Variants in MRPL30 observed in about 807,000 individuals in gnomAD.
The protein encoded by MRPL30 is mitochondrial ribosomal protein L30.
Under a neutral mutation model 17.2 loss-of-function variants are expected in MRPL30, and 10 were observed. The ratio of observed to expected loss-of-function variants is 0.58; its 90% CI spans 0.36 to 0.99. The LOEUF is 0.99. Among genes scored for constraint, MRPL30 ranks in the 50% least tolerant of loss-of-function variants. The pLI, the probability that MRPL30 is intolerant of heterozygous loss-of-function variation, is 0.01. For missense variants in MRPL30, 170 were observed against 189.8 expected (o/e 0.90, Z 0.61); for synonymous variants, 61 against 62.1 (o/e 0.98, Z 0.08).
chr2:99,194,132 T>C (rs1338810390), intron 3 of MRPL30, among the ~76,000 whole-genome samples: 1 of 152,162 alleles, frequency 6.6e-6, no homozygotes, highest in East Asian at 1.9e-4. Context: ...AATGTAGTTA[T>C]CATGGTGAGG....
chr2:99,195,854 G>C lies in MRPL30; in HGVS notation c.*149G>C. ...CCCAGCACTTTGGGAGGCCAAGGCGGGCAGATCACCTGAGGTCAAGAGTTC... is the reference window on the plus strand; with the variant it reads ...CCCAGCACTTTGGGAGGCCAAGGCGCGCAGATCACCTGAGGTCAAGAGTTC... On this transcript the variant is annotated 3_prime_UTR_variant, in exon 6 of 6. Transcript: ENST00000338148. 8.8e-7 allele frequency: 1 copy of C among 1,130,778 alleles called. No individual in the cohort carries two copies. The highest frequency in any genetic ancestry group is 1.2e-6 in the Non-Finnish European group (1 of 819,246). 70.0% of individuals were successfully genotyped at this position (1,130,778 alleles called of 1,614,324 possible). A position where few individuals can be genotyped will look rare whatever the true frequency, so the allele number is the denominator to read the frequency against.
At chr2:99,182,653 T>C (rs528282744) in intron 1 of MRPL30, among the ~76,000 whole-genome samples, 11 of 152,388 alleles carry the variant, frequency 7.2e-5, no homozygotes, top group South Asian at 2.1e-4. Flanking sequence ...TGCTTGAGGC[T>C]GAGTTCAATA....
intron 3 of MRPL30, among the ~76,000 whole-genome samples, chr2:99,193,775 A>C (rs2093950765): frequency 1.3e-5 from 2 of 152,178 alleles, no homozygotes; most frequent in Admixed American, 1.3e-4. Context: ...GTGGTGGTTC[A>C]CACCTGTAAT....
At chr2:99,182,724 G>A (rs1433892252) in intron 1 of MRPL30, among the ~76,000 whole-genome samples, 1 of 152,202 alleles carries the variant, frequency 6.6e-6, no homozygotes, top group African/African-American at 2.4e-5. Flanking sequence ...CACACCTTCA[G>A]AAGTCTGTAA....
chr2:99,184,679 G>C (rs1295089447), intron 1 of MRPL30, among the ~76,000 whole-genome samples: 1 of 152,226 alleles, frequency 6.6e-6, no homozygotes, highest in Non-Finnish European at 1.5e-5. Context: ...TAAGTGATCA[G>C]AAAGATTTTT....
intron 2 of MRPL30, among the ~76,000 whole-genome samples, chr2:99,187,555 G>T (rs756489244): frequency 1.3e-5 from 2 of 152,182 alleles, no homozygotes; most frequent in Non-Finnish European, 2.9e-5. Flanking sequence ...GCTGGGCGCG[G>T]TGGCTCACGC....
intron 3 of MRPL30, among the ~76,000 whole-genome samples, chr2:99,189,018 T>G (rs2093939317): frequency 6.6e-6 from 1 of 152,200 alleles, no homozygotes; most frequent in African/African-American, 2.4e-5. Flanking sequence ...ATTAATAGTC[T>G]TTATTTCTTA....
In MRPL30 at chr2:99,195,655, G is replaced by C. The variant is rs1376909763; in HGVS notation, c.436G>C (p.Val146Leu). The C allele has an allele frequency of 6.2e-7, 1 of 1,613,674 alleles. No homozygotes were observed. Among genetic ancestry groups the C allele is most frequent in the African/African-American group, 1.3e-5 (1 of 74,890 alleles). Residue 146 changes from valine (V) to leucine (L), a missense_variant, in exon 6 of 6, where the codon GTA becomes CTA. By Grantham distance (32) the Val-to-Leu change is conservative (BLOSUM62 1). Coordinates refer to ENST00000338148, the MANE Select transcript of MRPL30 (RefSeq NM_145212.4). ...NTCLKSTGEL[V>L]VQWHLKPVEQ... ...GTGCCTCAAAAGCACTGGGGAGTTA[G>C]TAGTGCAGTGGCATCTGAAACCTGT...
At chr2:99,192,562 A>G (rs2093948500) in intron 3 of MRPL30, among the ~76,000 whole-genome samples, 2 of 152,336 alleles carry the variant, frequency 1.3e-5, no homozygotes, top group African/African-American at 4.8e-5. Context: ...AAAGGACATG[A>G]CATCATTCCT....
Position 99,198,047 on chromosome 2 carries a change from C to A in MRPL30, c.*2342C>A, listed in dbSNP as rs1324311073. On this transcript the variant is annotated 3_prime_UTR_variant, in exon 6 of 6. Coordinates refer to ENST00000338148, the MANE Select transcript of MRPL30 (RefSeq NM_145212.4). The stretch of plus-strand genomic sequence containing the variant: ...AGTAACTAATTTTAATCTCAACAGC[C>A]CATAGCTAGAAGAGGGGATCTAAAT... Among the ~76,000 whole-genome samples the A allele has an allele frequency of 6.6e-6, 1 of 152,030 alleles. No homozygotes were observed. Among genetic ancestry groups the A allele is most frequent in the East Asian group, 1.9e-4 (1 of 5,202 alleles).
At chr2:99,185,345 G>A (rs1265125366) in intron 1 of MRPL30, among the ~76,000 whole-genome samples, 3 of 152,058 alleles carry the variant, frequency 2.0e-5, no homozygotes, top group African/African-American at 7.2e-5. Context: ...ACTATTTATT[G>A]AGGGCTTCCC....
chr2:99,190,524 C>CTCCA (rs1204826004), intron 3 of MRPL30, among the ~76,000 whole-genome samples: 1 of 152,064 alleles, frequency 6.6e-6, no homozygotes, highest in African/African-American at 2.4e-5. Flanking sequence ...GATCAGTGCA[C>CTCCA]TCCAGCCTGG....
In MRPL30 at chr2:99,197,707, C is replaced by G. The variant is rs1261243119; in HGVS notation, c.*2002C>G. ...CCAGCCTGGAGGGCAGTGGTGTGAT[C>G]GTAGCTCACTATTACCTCCAACTCT... On this transcript the variant is annotated 3_prime_UTR_variant, in exon 6 of 6. Coordinates refer to ENST00000338148, the MANE Select transcript of MRPL30 (RefSeq NM_145212.4). 1 of 153,482 alleles carries G rather than the reference C, an allele frequency of 6.5e-6. No individual in the cohort carries two copies. Among genetic ancestry groups the G allele is most frequent in the Non-Finnish European group, 1.4e-5 (1 of 69,100 alleles). 9.5% of individuals were successfully genotyped at this position (153,482 alleles called of 1,614,324 possible). A position where few individuals can be genotyped will look rare whatever the true frequency, so the allele number is the denominator to read the frequency against.
chr2:99,194,993 ATTAC>A (rs2093952833), intron 4 of MRPL30, 96 bp downstream of exon 4: 8 of 1,360,232 alleles, frequency 5.9e-6, no homozygotes, highest in South Asian at 1.5e-5. Context: ...TTTATTTTGT[ATTAC>A]TTAGGGTAAT....
rs1344050663 is a variant in MRPL30, at chr2:99,197,066, T to A, written c.*1361T>A. ...TGTTCTTTGAATCCTAAGGAACCTC[T>A]GTCAACAGTTGAGGTTGCTGTTGAA... On this transcript the variant is annotated 3_prime_UTR_variant, in exon 6 of 6. Coordinates refer to ENST00000338148, the MANE Select transcript of MRPL30 (RefSeq NM_145212.4). 6.6e-6 allele frequency: 1 copy of A among 152,190 alleles called. No homozygotes were observed. Among genetic ancestry groups the A allele is most frequent in the Non-Finnish European group, 1.5e-5 (1 of 68,034 alleles). The allele number at this position is 152,190 out of a possible 1,614,324, so 9.4% of individuals were successfully genotyped here.
intron 2 of MRPL30, among the ~76,000 whole-genome samples, chr2:99,187,717 A>G (rs1017513557): frequency 1.3e-5 from 2 of 152,142 alleles, no homozygotes; most frequent in African/African-American, 4.8e-5. Flanking sequence ...AGTCCCAGCT[A>G]TTCAGAAGGC....
In MRPL30 at chr2:99,195,968, C is replaced by G. The variant is rs1436090961; in HGVS notation, c.*263C>G. The G allele has an allele frequency of 3.0e-6, 1 of 331,218 alleles. No individual in the cohort carries two copies. Among genetic ancestry groups the G allele is most frequent in the Non-Finnish European group, 5.5e-6 (1 of 180,378 alleles). 20.5% of individuals were successfully genotyped at this position (331,218 alleles called of 1,614,324 possible). A position where few individuals can be genotyped will look rare whatever the true frequency, so the allele number is the denominator to read the frequency against. ...ATGGTGGCACATGCCTGTAACCCAGCTACTCGGGAGGCTGAAGCAGGAGAA... is the reference window on the plus strand; with the variant it reads ...ATGGTGGCACATGCCTGTAACCCAGGTACTCGGGAGGCTGAAGCAGGAGAA... On this transcript the variant is annotated 3_prime_UTR_variant, in exon 6 of 6. Coordinates refer to ENST00000338148, the MANE Select transcript of MRPL30 (RefSeq NM_145212.4).
intron 5 of MRPL30, 56 bp downstream of exon 5, chr2:99,195,245 T>C: frequency 1.4e-6 from 2 of 1,472,106 alleles, no homozygotes; most frequent in Non-Finnish European, 1.8e-6. Flanking sequence ...TAATTCTAAA[T>C]GCATTTTTCT....
At chr2:99,192,470 G>A (rs1435452990) in intron 3 of MRPL30, among the ~76,000 whole-genome samples, 4 of 152,162 alleles carry the variant, frequency 2.6e-5, no homozygotes, top group Non-Finnish European at 5.9e-5. Flanking sequence ...CCACTTATGA[G>A]TGAGAACATG....
Sources: gnomAD v4.1 joint callset for allele counts (sites outside exome capture counted in the v4.1 genomes callset) on GRCh38, gnomAD v4.1.1 for gene constraint, MANE v1.5 for transcripts, NCBI Gene and HGNC (gene_info 2026-07-23, HGNC 2026-07-21) for gene names.